SPTBN1: variants seen among roughly 807,000 people sequenced by gnomAD.
SPTBN1 encodes the protein spectrin beta, non-erythrocytic 1, also known as spectrin beta chain, non-erythrocytic 1.
In SPTBN1, 32 loss-of-function variants were observed where a neutral mutation model predicts 266.4. The ratio of observed to expected loss-of-function variants is 0.12; its 90% CI spans 0.09 to 0.16. The LOEUF is 0.16. SPTBN1 is among the 10% of genes least tolerant of loss of function. SPTBN1 has a pLI of 1.00. For synonymous variants in SPTBN1, 1,336 were observed against 1,162.2 expected (o/e 1.15, Z -3.04); for missense variants, 2,296 against 3,067.1 (o/e 0.75, Z 5.94).
intron 1 of SPTBN1, among the ~76,000 whole-genome samples, chr2:54,515,207 C>T (rs1036913974): frequency 6.6e-6 from 1 of 152,146 alleles, no homozygotes; most frequent in Non-Finnish European, 1.5e-5. Flanking sequence ...TATTCATCTC[C>T]ACCCCTACCA....
At chr2:54,592,814 T>C (rs1381217361) in intron 2 of SPTBN1, among the ~76,000 whole-genome samples, 1 of 152,204 alleles carries the variant, frequency 6.6e-6, no homozygotes, top group African/African-American at 2.4e-5. Flanking sequence ...TTAATCCCTC[T>C]TGCCTGGCTG....
intron 2 of SPTBN1, among the ~76,000 whole-genome samples, chr2:54,556,400 A>C (rs1457422268): frequency 6.6e-6 from 1 of 152,234 alleles, no homozygotes; most frequent in South Asian, 2.1e-4. Context: ...TATTATGTGC[A>C]ACCTGGTTAA....
intron 1 of SPTBN1, among the ~76,000 whole-genome samples, chr2:54,483,303 G>C (rs560360280): frequency 5.9e-5 from 9 of 152,302 alleles, no homozygotes; most frequent in South Asian, 2.1e-4. Context: ...GGCACCACGG[G>C]GTTAAGAATG....
Position 54,631,621 on chromosome 2 carries a change from G to C in SPTBN1, c.3564+10G>C. On this transcript the variant is annotated intron_variant, in intron 16 of 35. Transcript: ENST00000356805. ...CTTTCTTAACAACCAGGTAAGGTTT[G>C]TTCCTGCCTTTGCTTCCTTTCGGTG... 1.9e-6 allele frequency: 3 copies of C among 1,601,124 alleles called. No individual in the cohort carries two copies. Among genetic ancestry groups the C allele is most frequent in the South Asian group, 1.1e-5 (1 of 90,586 alleles).
At chr2:54,656,191 C>G (rs146157823) in intron 29 of SPTBN1, among the ~76,000 whole-genome samples, 193 bp downstream of exon 29, 85 of 152,266 alleles carry the variant, frequency 5.6e-4, no homozygotes, top group African/African-American at 1.8e-3. Context: ...TCATTTTTCA[C>G]CTCTTGATTG....
intron 1 of SPTBN1, among the ~76,000 whole-genome samples, chr2:54,488,073 C>A (rs1336869416): frequency 6.6e-6 from 1 of 151,980 alleles, no homozygotes; most frequent in Non-Finnish European, 1.5e-5. Context: ...TCATGATCCG[C>A]CCACCTCAGC....
At chr2:54,597,981 T>A (rs936525485) in intron 2 of SPTBN1, among the ~76,000 whole-genome samples, 1 of 148,942 alleles carries the variant, frequency 6.7e-6, no homozygotes, top group Non-Finnish European at 1.5e-5. Flanking sequence ...TGGAACTAGA[T>A]ATAGTGTATG....
chr2:54,517,780 G>A (rs933754570), intron 1 of SPTBN1, among the ~76,000 whole-genome samples: 3 of 151,732 alleles, frequency 2.0e-5, no homozygotes, highest in Non-Finnish European at 4.4e-5. Context: ...TGAGTAGCTG[G>A]GATTATAGGC....
intron 1 of SPTBN1, among the ~76,000 whole-genome samples, chr2:54,485,818 A>C (rs1200701010): frequency 7.5e-6 from 1 of 133,438 alleles, no homozygotes; most frequent in African/African-American, 2.9e-5. Flanking sequence ...GTCGTCTGAG[A>C]TGTGGGGAGC....
chr2:54,638,410 G>T (rs757288824), intron 18 of SPTBN1, among the ~76,000 whole-genome samples: 6 of 152,172 alleles, frequency 3.9e-5, no homozygotes, highest in Non-Finnish European at 7.4e-5. Context: ...TTTCTTATTC[G>T]CTTAAGACCT....
At chr2:54,481,816 G>A (rs1162046820) in intron 1 of SPTBN1, among the ~76,000 whole-genome samples, 1 of 152,114 alleles carries the variant, frequency 6.6e-6, no homozygotes, top group East Asian at 1.9e-4. Context: ...TAGATTTGGA[G>A]GTGTGTTTTA....
chr2:54,559,930 T>C (rs553795439), intron 2 of SPTBN1, among the ~76,000 whole-genome samples: 2 of 152,228 alleles, frequency 1.3e-5, no homozygotes, highest in African/African-American at 4.8e-5. Flanking sequence ...CTTTCATTCA[T>C]TGGTTTATTT....
chr2:54,668,474 G>T lies in SPTBN1; in HGVS notation c.7000G>T (p.Val2334Phe). Reference protein sequence around the residue: ...SRAQTLPTSVVTITSESSPGK... With the variant: ...SRAQTLPTSVFTITSESSPGK... Reference sequence around the variant, plus strand: ...CGCGCAGACCCTCCCCACCAGCGTCGTCACCATCACCAGCGAGTCCAGTCC... The same window carrying T: ...CGCGCAGACCCTCCCCACCAGCGTCTTCACCATCACCAGCGAGTCCAGTCC... Residue 2334 changes from valine to phenylalanine, a missense_variant, in exon 36 of 36, where the codon GTC becomes TTC. Around this residue, in one of 12 missense-constraint regions of SPTBN1, gnomAD observed 347 missense variants for 368.5 expected, o/e 0.94. Coordinates refer to ENST00000356805, the MANE Select transcript of SPTBN1 (RefSeq NM_003128.3). 6.2e-7 allele frequency: 1 copy of T among 1,614,170 alleles called. No homozygotes were observed. The highest frequency in any genetic ancestry group is 1.1e-5 in the South Asian group (1 of 91,082).
intron 3 of SPTBN1, among the ~76,000 whole-genome samples, chr2:54,600,930 G>T (rs1021700508): frequency 6.6e-6 from 1 of 151,546 alleles, no homozygotes; most frequent in African/African-American, 2.4e-5. Flanking sequence ...CAAGAAGATT[G>T]TGTCCTTGAT....
chr2:54,542,790 G>C (rs906086058), intron 2 of SPTBN1, among the ~76,000 whole-genome samples: 4 of 152,210 alleles, frequency 2.6e-5, no homozygotes, highest in African/African-American at 9.6e-5. Context: ...AAGGGGATGG[G>C]AAAGGGAAGA....
At chr2:54,522,715 A>AGAAAGAAAG (rs1670556155) in intron 1 of SPTBN1, among the ~76,000 whole-genome samples, 4 of 138,832 alleles carry the variant, frequency 2.9e-5, no homozygotes, top group African/African-American at 1.1e-4. Context: ...AAGAAAGGAA[A>AGAAAGAAAG]GAAAGAAAGA....
intron 3 of SPTBN1, among the ~76,000 whole-genome samples, chr2:54,603,636 G>T (rs1676644293): frequency 6.6e-6 from 1 of 152,114 alleles, no homozygotes; most frequent in Admixed American, 6.6e-5. Context: ...AATTGTAATT[G>T]GGCCAAAATA....
Position 54,631,671 on chromosome 2 carries a change from A to G in SPTBN1, c.3564+60A>G. ...GAAAGCAGCCCTGGCTGCCTTTTGA[A>G]ATGTTTTGGCTGGGGCAGCTGGTTT... On this transcript the variant is annotated intron_variant, in intron 16 of 35. Coordinates refer to ENST00000356805, the MANE Select transcript of SPTBN1 (RefSeq NM_003128.3). 3 of 1,557,798 alleles carry G rather than the reference A, an allele frequency of 1.9e-6. No homozygotes were observed. In the South Asian group the frequency reaches 3.6e-5, roughly 19 times the overall value.
chr2:54,512,887 G>T (rs1257639083), intron 1 of SPTBN1, among the ~76,000 whole-genome samples: 2 of 152,176 alleles, frequency 1.3e-5, no homozygotes, highest in Non-Finnish European at 2.9e-5. Context: ...TGCCATGCTG[G>T]TTACTAATGG....
Sources: gnomAD v4.1 joint callset for allele counts (sites outside exome capture counted in the v4.1 genomes callset) on GRCh38, gnomAD v4.1.1 for gene constraint, gnomAD v4.1.1 regional missense constraint, MANE v1.5 for transcripts, NCBI Gene and HGNC (gene_info 2026-07-23, HGNC 2026-07-21) for gene names.